The following HIBADH variants were observed in gnomAD, a reference collection of about 807,000 sequenced individuals.
HIBADH encodes 3-hydroxyisobutyrate dehydrogenase.
A neutral mutation model predicts 36.1 loss-of-function variants in HIBADH; 25 were observed. The observed-to-expected ratio is 0.69, with a 90% CI of 0.50 to 0.97. The LOEUF is 0.97. Ranked by LOEUF, HIBADH falls within the 50% of genes least tolerant of loss-of-function variation. The probability of loss-of-function intolerance (pLI) is 0.00; values close to 1 mark genes in which losing one functional copy is unlikely to be tolerated. For synonymous variants in HIBADH, 160 were observed against 149.5 expected (o/e 1.07, Z -0.51); for missense variants, 421 against 418.0 (o/e 1.01, Z -0.06).
chr7:27,618,563 C>T (rs1026456053), intron 4 of HIBADH, among the ~76,000 whole-genome samples: 4 of 152,256 alleles, frequency 2.6e-5, no homozygotes, highest in African/African-American at 9.6e-5. Flanking sequence ...GCTGCCACTA[C>T]TGGCATTGGA....
intron 4 of HIBADH, among the ~76,000 whole-genome samples, chr7:27,565,107 A>T (rs969758284): frequency 1.3e-5 from 2 of 152,102 alleles, no homozygotes; most frequent in Admixed American, 1.3e-4. Flanking sequence ...TAGAGCTCTT[A>T]TGCTCCAAGC....
chr7:27,638,308 C>CAAAAAAAAAGAAAAAAAAAAAAAAAAA (rs1785885569), intron 2 of HIBADH, among the ~76,000 whole-genome samples: 1 of 55,472 alleles, frequency 1.8e-5, no homozygotes, highest in Non-Finnish European at 3.2e-5. Context: ...TTGGCAAAGT[C>CAAAAAAAAAGAAAAAAAAAAAAAAAAA]AAAAAAAAAA....
At chr7:27,630,513 GAATAAATATAA>G (rs1208566141) in intron 3 of HIBADH, among the ~76,000 whole-genome samples, 58 of 152,048 alleles carry the variant, frequency 3.8e-4, no homozygotes, top group African/African-American at 1.4e-3. Context: ...AATTAAAACT[GAATAAATATAA>G]ATACTGAAGA....
chr7:27,635,076 C>A (rs868435011), intron 2 of HIBADH, among the ~76,000 whole-genome samples: 8 of 124,430 alleles, frequency 6.4e-5, no homozygotes, highest in Non-Finnish European at 1.1e-4. Flanking sequence ...CTTTCTCTCT[C>A]TCTCTGTGCA....
chr7:27,662,239 G>A (rs751027447), intron 1 of HIBADH, among the ~76,000 whole-genome samples: 2 of 152,270 alleles, frequency 1.3e-5, no homozygotes, highest in South Asian at 2.1e-4. Context: ...CTCGGACTCA[G>A]GTGGTTAAAC....
rs187641040 is a variant in HIBADH at position 27,654,752 on chromosome 7, G to C, written c.92-5119C>G. 5.6e-4 allele frequency among the ~76,000 whole-genome samples: 84 copies of C among 151,168 alleles called. 1 individual carries two copies. The highest frequency in any genetic ancestry group is 2.9e-5 in the Non-Finnish European group (2 of 67,860). On this transcript the variant is annotated intron_variant, in intron 1 of 7. Transcript: ENST00000265395. Reference sequence around the variant, plus strand: ...CGCCCAGGCTAGAGTGCAGTGGCATGATCACAGCTCGCTACAGCCTCAACT... The same window carrying C: ...CGCCCAGGCTAGAGTGCAGTGGCATCATCACAGCTCGCTACAGCCTCAACT...
At chr7:27,557,200 GT>G (rs772579939) in intron 4 of HIBADH, among the ~76,000 whole-genome samples, 23 of 147,036 alleles carry the variant, frequency 1.6e-4, no homozygotes, top group African/African-American at 3.5e-4. Flanking sequence ...TGAGCTTAAG[GT>G]TTTTTTTTTA....
intron 4 of HIBADH, among the ~76,000 whole-genome samples, chr7:27,554,377 C>T (rs758214897): frequency 4.6e-5 from 7 of 152,334 alleles, no homozygotes; most frequent in Admixed American, 2.0e-4. Context: ...TTAGGCAACA[C>T]GTGGTTTGTA....
chr7:27,604,143 A>G (rs1785178693), intron 4 of HIBADH, among the ~76,000 whole-genome samples: 1 of 152,162 alleles, frequency 6.6e-6, no homozygotes. Flanking sequence ...ATGCTTCATT[A>G]CTAAATAACA....
chr7:27,543,047 C>T lies in HIBADH; in HGVS notation c.538G>A (p.Asp180Asn). The change falls in exon 5 of 8, where the codon GAT (aspartate) becomes AAT (asparagine). Residue 180 changes from aspartate to asparagine, a missense_variant. Physicochemically the swap from Asp to Asn is conservative, Grantham distance 23. Transcript: ENST00000265395. ...NLTFMVGGVE[D>N]EFAAAQELLG... ...AACTCTTGGGCAGCAGCAAATTCAT[C>T]TTCAACTCCTCCCACCATAAACGTG... is the stretch of plus-strand genomic sequence containing the variant. The T allele has an allele frequency of 6.2e-7, 1 of 1,613,786 alleles. No individual in the cohort carries two copies. Among genetic ancestry groups the T allele is most frequent in the Non-Finnish European group, 8.5e-7 (1 of 1,179,862 alleles).
At chr7:27,649,768 C>A (rs1487590959) in intron 1 of HIBADH, 135 bp from the exon 2 acceptor site, 5 of 719,036 alleles carry the variant, frequency 7.0e-6, no homozygotes, top group Non-Finnish European at 1.1e-5. Context: ...TGCAGTGGTG[C>A]ACACCTATAA....
chr7:27,662,773 G>T lies in HIBADH; in HGVS notation c.16C>A (p.Arg6=). Residue 6 remains arginine, a synonymous_variant, in exon 1 of 8, where the codon CGG becomes AGG. Coordinates refer to ENST00000265395, the MANE Select transcript of HIBADH (RefSeq NM_152740.4). MAASL[R]LLGAASGLRY... Reference sequence around the variant, plus strand: ...AGACCGGAGGCAGCTCCGAGGAGCCGTAAGGAGGCTGCCATGCTGCGCCCG... The same window carrying T: ...AGACCGGAGGCAGCTCCGAGGAGCCTTAAGGAGGCTGCCATGCTGCGCCCG... 6.8e-7 allele frequency: 1 copy of T among 1,464,308 alleles called. No homozygotes were observed. The highest frequency in any genetic ancestry group is 9.0e-7 in the Non-Finnish European group (1 of 1,107,334). 90.7% of individuals were successfully genotyped at this position (1,464,308 alleles called of 1,614,324 possible).
intron 3 of HIBADH, among the ~76,000 whole-genome samples, chr7:27,631,742 A>G (rs1188606556): frequency 6.6e-6 from 1 of 152,168 alleles, no homozygotes; most frequent in Non-Finnish European, 1.5e-5. Context: ...TGTGGGAGTT[A>G]TTTACATCCT....
chr7:27,573,043 G>A (rs1157841400), intron 4 of HIBADH, among the ~76,000 whole-genome samples: 1 of 152,114 alleles, frequency 6.6e-6, no homozygotes, highest in Non-Finnish European at 1.5e-5. Context: ...GGTAAGAAAC[G>A]ACTAGGGACA....
intron 4 of HIBADH, among the ~76,000 whole-genome samples, chr7:27,590,708 T>C (rs1354530360): frequency 1.3e-5 from 2 of 152,224 alleles, no homozygotes; most frequent in East Asian, 1.9e-4. Context: ...AATCCCGTCA[T>C]AGTCCCAGAT....
intron 7 of HIBADH, 35 bp from the exon 8 acceptor site, chr7:27,526,407 T>C: frequency 6.4e-7 from 1 of 1,572,758 alleles, no homozygotes; most frequent in Non-Finnish European, 8.6e-7. Context: ...ACGCTGAGAC[T>C]GGTGGTAAAG....
At chr7:27,557,240 T>C (rs1387485841) in intron 4 of HIBADH, among the ~76,000 whole-genome samples, 2 of 152,034 alleles carry the variant, frequency 1.3e-5, no homozygotes, top group African/African-American at 4.8e-5. Flanking sequence ...CATTACAATT[T>C]ATATATTATC....
chr7:27,540,669 T>C lies in HIBADH; in HGVS notation c.619-2252A>G, dbSNP rs79909823. Among the ~76,000 whole-genome samples the C allele has an allele frequency of 1.1e-3, 167 of 152,290 alleles. 2 individuals carry two copies. In the East Asian group the frequency reaches 0.023, roughly 21 times the overall value. ...TCTTCCACAGTGACAATCCTTCCCATAGAGTACCATGTGTAATGAGCCTTA... is the reference window on the plus strand; with the variant it reads ...TCTTCCACAGTGACAATCCTTCCCACAGAGTACCATGTGTAATGAGCCTTA... On this transcript the variant is annotated intron_variant, in intron 5 of 7. Coordinates refer to ENST00000265395, the MANE Select transcript of HIBADH (RefSeq NM_152740.4).
chr7:27,545,176 C>A (rs114322068), intron 4 of HIBADH, among the ~76,000 whole-genome samples: 300 of 152,294 alleles, frequency 2.0e-3, no homozygotes, highest in African/African-American at 7.0e-3. Context: ...CATAGTGGCT[C>A]ACATCTGTAA....
Sources: gnomAD v4.1 joint callset for allele counts (sites outside exome capture counted in the v4.1 genomes callset) on GRCh38, gnomAD v4.1.1 for gene constraint, MANE v1.5 for transcripts, NCBI Gene and HGNC (gene_info 2026-07-23, HGNC 2026-07-21) for gene names.